The following RANBP2 variants were observed in gnomAD, a reference collection of about 807,000 sequenced individuals.
RANBP2 encodes the protein RAN binding protein 2.
Under a neutral mutation model 303.6 loss-of-function variants are expected in RANBP2, and 57 were observed. That is an observed-to-expected ratio of 0.19 (90% CI 0.15 to 0.23). The LOEUF (loss-of-function observed/expected upper bound fraction) is 0.23, where lower values mean the gene tolerates loss of function less well. RANBP2 is among the 10% of genes least tolerant of loss of function. The probability of loss-of-function intolerance (pLI) is 1.00; values close to 1 mark genes in which losing one functional copy is unlikely to be tolerated. For synonymous variants in RANBP2, 1,167 were observed against 1,301.5 expected (o/e 0.90, Z 2.23); for missense variants, 3,138 against 3,780.8 (o/e 0.83, Z 4.46).
the RANBP2 span, among the ~76,000 whole-genome samples, chr2:109,549,745 T>C: frequency 1.3e-5 from 2 of 152,146 alleles, no homozygotes; most frequent in African/African-American, 4.8e-5. Flanking sequence ...TTTTCCTATA[T>C]ATAGACACCT....
intron 4 of RANBP2, among the ~76,000 whole-genome samples, chr2:108,735,014 T>C (rs368960368): frequency 8.5e-5 from 13 of 152,210 alleles, no homozygotes; most frequent in East Asian, 3.9e-4. Context: ...TTCCTCTCCT[T>C]GTATGTAAGT....
the RANBP2 span, among the ~76,000 whole-genome samples, chr2:109,612,146 AT>A: frequency 6.6e-6 from 1 of 152,218 alleles, no homozygotes; most frequent in Non-Finnish European, 1.5e-5. Context: ...CTGCAGATAT[AT>A]GCAACAACCT....
chr2:108,775,734 A>G lies in RANBP2; in HGVS notation c.8295A>G (p.Lys2765=), dbSNP rs573928369. The G allele has an allele frequency of 6.2e-7, 1 of 1,613,618 alleles. No individual in the cohort carries two copies. Among genetic ancestry groups the G allele is most frequent in the Non-Finnish European group, 8.5e-7 (1 of 1,179,876 alleles). The part of the protein sequence containing the change: ...SELQKVQEAQ[K]SQTEEITSTT... ...ATTTTGTGACTTCCTCTTTGCAGAA[A>G]TCTCAGACAGAAGAAATAACTAGCA... is the stretch of plus-strand genomic sequence containing the variant. Residue 2765 remains lysine, a splice_region_variant and synonymous_variant, in exon 24 of 29, where the codon AAA becomes AAG. Coordinates refer to ENST00000283195, the MANE Select transcript of RANBP2 (RefSeq NM_006267.5).
chr2:109,019,727 C>A, the RANBP2 span, among the ~76,000 whole-genome samples: 1 of 152,196 alleles, frequency 6.6e-6, no homozygotes, highest in African/African-American at 2.4e-5. Context: ...GAAAACCTAT[C>A]ATTCTGTCCA....
the RANBP2 span, among the ~76,000 whole-genome samples, chr2:109,525,716 A>T: frequency 1.3e-5 from 2 of 152,170 alleles, no homozygotes; most frequent in South Asian, 4.1e-4. Context: ...GGAGGCTCTC[A>T]GTGGCCCTCT....
chr2:109,085,032 G>C, the RANBP2 span, among the ~76,000 whole-genome samples: 1 of 152,208 alleles, frequency 6.6e-6, no homozygotes, highest in African/African-American at 2.4e-5. Context: ...GCGGGGGACA[G>C]AGAATCATCT....
the RANBP2 span, among the ~76,000 whole-genome samples, chr2:109,112,216 C>T: frequency 4.6e-5 from 7 of 152,070 alleles, no homozygotes; most frequent in Non-Finnish European, 7.4e-5. Flanking sequence ...ACACTGACTT[C>T]CACAATGGTT....
At chr2:109,253,290 A>G in the RANBP2 span, among the ~76,000 whole-genome samples, 5 of 152,202 alleles carry the variant, frequency 3.3e-5, no homozygotes, top group African/African-American at 1.2e-4. Flanking sequence ...AAGTGCTGGG[A>G]TTGCAGGCAT....
At chr2:109,274,295 A>G in the RANBP2 span, among the ~76,000 whole-genome samples, 1 of 152,192 alleles carries the variant, frequency 6.6e-6, no homozygotes, top group Non-Finnish European at 1.5e-5. Flanking sequence ...GTGTGTGCCC[A>G]AAAGAATTAA....
At chr2:109,327,047 A>T in the RANBP2 span, among the ~76,000 whole-genome samples, 1 of 152,198 alleles carries the variant, frequency 6.6e-6, no homozygotes, top group Non-Finnish European at 1.5e-5. Context: ...ATGTCTTTTG[A>T]TAAATGGAAG....
At chr2:109,078,100 A>ATATATATATATAGCGTG in the RANBP2 span, among the ~76,000 whole-genome samples, 48 of 69,996 alleles carry the variant, frequency 6.9e-4, 4 homozygotes, top group African/African-American at 2.2e-3. Context: ...ATATATATAT[A>ATATATATATATAGCGTG]TATATATATA....
At chr2:109,204,843 C>T in the RANBP2 span, among the ~76,000 whole-genome samples, 1 of 152,048 alleles carries the variant, frequency 6.6e-6, no homozygotes, top group South Asian at 2.1e-4. Flanking sequence ...TTTTCTGTAG[C>T]GTGGAAGTGG....
the RANBP2 span, among the ~76,000 whole-genome samples, chr2:108,916,399 C>T: frequency 5.3e-5 from 8 of 152,214 alleles, no homozygotes; most frequent in Non-Finnish European, 7.4e-5. Context: ...GGGCAATAAA[C>T]GCAGCCTAGA....
At chr2:109,318,266 G>C in the RANBP2 span, among the ~76,000 whole-genome samples, 1 of 152,168 alleles carries the variant, frequency 6.6e-6, no homozygotes, top group Non-Finnish European at 1.5e-5. Context: ...CGCAGCCCCA[G>C]ATGTTCGGGA....
the RANBP2 span, among the ~76,000 whole-genome samples, chr2:109,110,408 C>T: frequency 2.0e-5 from 3 of 152,078 alleles, no homozygotes; most frequent in Admixed American, 6.6e-5. Context: ...CCAACATATC[C>T]GTGTCCTTAA....
At chr2:108,926,312 CTGT>C in the RANBP2 span, among the ~76,000 whole-genome samples, 1 of 152,210 alleles carries the variant, frequency 6.6e-6, no homozygotes, top group Admixed American at 6.5e-5. Context: ...CCCCCAACCC[CTGT>C]TCTACATAGG....
chr2:109,379,909 C>T, the RANBP2 span, among the ~76,000 whole-genome samples: 2 of 152,142 alleles, frequency 1.3e-5, no homozygotes, highest in African/African-American at 4.8e-5. Flanking sequence ...CAGAGTGGTC[C>T]AGGAGGCAAA....
chr2:109,712,570 T>G, the RANBP2 span, among the ~76,000 whole-genome samples: 8 of 152,136 alleles, frequency 5.3e-5, no homozygotes, highest in African/African-American at 1.9e-4. Flanking sequence ...TAGCTGGGAT[T>G]ACAGGCGTGT....
chr2:108,774,526 A>T (rs1677737560), intron 23 of RANBP2, among the ~76,000 whole-genome samples: 1 of 152,114 alleles, frequency 6.6e-6, no homozygotes, highest in Admixed American at 6.5e-5. Flanking sequence ...TATTTTCTGT[A>T]TTGCTGTTTT....
Sources: allele counts gnomAD v4.1 joint callset (sites outside exome capture counted in the v4.1 genomes callset), GRCh38; gene constraint gnomAD v4.1.1; transcripts MANE v1.5; gene names NCBI Gene and HGNC (gene_info 2026-07-23, HGNC 2026-07-21).